Variants in ZC3H12C observed in about 807,000 individuals in gnomAD.
The protein encoded by ZC3H12C is probable ribonuclease ZC3H12C.
In ZC3H12C, 20 loss-of-function variants were observed where a neutral mutation model predicts 76.3. That is an observed-to-expected ratio of 0.26 (90% CI 0.18 to 0.38). The LOEUF is 0.38. Among genes scored for constraint, ZC3H12C ranks in the 10% least tolerant of loss-of-function variants. The pLI is 1.00. For missense variants in ZC3H12C, 874 were observed against 1,086.5 expected (o/e 0.80, Z 2.75); for synonymous variants, 352 against 399.6 (o/e 0.88, Z 1.42).
At chr11:110,093,941 C>A (rs1861064595) in intron 1 of ZC3H12C, among the ~76,000 whole-genome samples, 1 of 152,134 alleles carries the variant, frequency 6.6e-6, no homozygotes, top group African/African-American at 2.4e-5. Context: ...AACCCCAGGC[C>A]GAGCGTCACG....
rs1460027352 is a variant in ZC3H12C at position 110,169,499 on chromosome 11, T to C, written c.*3762T>C. On this transcript the variant is annotated 3_prime_UTR_variant, in exon 6 of 6. Coordinates refer to ENST00000278590, the MANE Select transcript of ZC3H12C (RefSeq NM_033390.2). ...TCCTTATTCAAGATAAAATAAGACA[T>C]ACAGTTTTCTGGCCATTCTGTTGGT... is the stretch of plus-strand genomic sequence containing the variant. 2 of 152,124 alleles carry C rather than the reference T, an allele frequency of 1.3e-5. No individual in the cohort carries two copies. The highest frequency in any genetic ancestry group is 2.9e-5 in the Non-Finnish European group (2 of 67,996). The allele number at this position is 152,124 out of a possible 1,614,324, so 9.4% of individuals were successfully genotyped here.
Position 110,165,608 on chromosome 11 carries a change from T to G in ZC3H12C, c.2523T>G (p.Ile841Met), listed in dbSNP as rs139951125. ...PPRYQDNREK[I>M]YINLCNIFPP... ...GGTATCAAGACAACCGAGAAAAGATTTATATCAATTTGTGCAACATCTTCC... is the reference window on the plus strand; with the variant it reads ...GGTATCAAGACAACCGAGAAAAGATGTATATCAATTTGTGCAACATCTTCC... Residue 841 changes from isoleucine to methionine, a missense_variant, in exon 6 of 6, where the codon ATT (isoleucine) becomes ATG (methionine). Physicochemically the swap from Ile to Met is conservative, Grantham distance 10. Coordinates refer to ENST00000278590, the MANE Select transcript of ZC3H12C (RefSeq NM_033390.2). 2 of 1,603,220 alleles carry G rather than the reference T, an allele frequency of 1.2e-6. No individual in the cohort carries two copies. The highest frequency in any genetic ancestry group is 1.7e-6 in the Non-Finnish European group (2 of 1,174,736).
rs540856751 is a variant in ZC3H12C, at chr11:110,117,652, A to T, written c.22-19011A>T. Among the ~76,000 whole-genome samples, 220 of 135,742 alleles carry T rather than the reference A, an allele frequency of 1.6e-3. 1 individual carries two copies. The highest frequency in any genetic ancestry group is 2.6e-3 in the Non-Finnish European group (167 of 65,414). 89.1% of individuals were successfully genotyped at this position (135,742 alleles called of 152,430 possible). On this transcript the variant is annotated intron_variant, in intron 1 of 5. Transcript: ENST00000278590. ...TCCCACATGAGATATATATATATAT[A>T]CACACACACACACATATATATATAT...
intron 1 of ZC3H12C, among the ~76,000 whole-genome samples, chr11:110,129,829 T>G (rs944145185): frequency 3.9e-5 from 6 of 152,098 alleles, no homozygotes; most frequent in Non-Finnish European, 8.8e-5. Context: ...GATTTTTTTT[T>G]TTGTTCATAA....
At position 110,136,949 on chromosome 11, in the gene ZC3H12C, T is replaced by G; in HGVS notation, c.308T>G (p.Leu103Trp). Residue 103 changes from leucine (L) to tryptophan (W), a missense_variant, in exon 2 of 6, where the codon TTG becomes TGG. Transcript: ENST00000278590. ...NTNSDHESEQ[L>W]GSISVEPGLI... ...AATTCTGATCATGAGTCAGAACAAT[T>G]GGGTAGCATTTCAGTAGAGCCAGGC... 6.2e-7 allele frequency: 1 copy of G among 1,613,660 alleles called. No individual in the cohort carries two copies. Among genetic ancestry groups the G allele is most frequent in the Non-Finnish European group, 8.5e-7 (1 of 1,179,792 alleles).
chr11:110,153,744 G>A (rs1014967472), intron 3 of ZC3H12C, among the ~76,000 whole-genome samples: 2 of 152,148 alleles, frequency 1.3e-5, no homozygotes, highest in Non-Finnish European at 2.9e-5. Flanking sequence ...GTGACATTAG[G>A]TGGCAGTCAG....
intron 1 of ZC3H12C, among the ~76,000 whole-genome samples, chr11:110,101,630 C>T (rs1861217598): frequency 6.6e-6 from 1 of 151,680 alleles, no homozygotes; most frequent in Non-Finnish European, 1.5e-5. Context: ...TCACTGCAAC[C>T]TCTGCCTCCC....
In ZC3H12C at chr11:110,171,541, T is replaced by G. The variant is rs1053963896; in HGVS notation, c.*5804T>G. On this transcript the variant is annotated 3_prime_UTR_variant, in exon 6 of 6. Transcript: ENST00000278590. The stretch of plus-strand genomic sequence containing the variant: ...ATCTTTACAATTCCCAAAACGGTAT[T>G]TTAGACCTACTGGAAATCTGTATCG... 1 of 152,230 alleles carries G rather than the reference T, an allele frequency of 6.6e-6. No individual in the cohort carries two copies. The highest frequency in any genetic ancestry group is 1.9e-4 in the East Asian group (1 of 5,202). The allele number at this position is 152,230 out of a possible 1,614,324, so 9.4% of individuals were successfully genotyped here. A position where few individuals can be genotyped will look rare whatever the true frequency, so the allele number is the denominator to read the frequency against.
At chr11:110,117,879 T>TATATATATTATATATATACACACACAC in intron 1 of ZC3H12C, among the ~76,000 whole-genome samples, 1 of 24,862 alleles carries the variant, frequency 4.0e-5, no homozygotes, top group African/African-American at 1.1e-4. Flanking sequence ...TACACACACA[T>TATATATATTATATATATACACACACAC]ATATATATTA....
In ZC3H12C at chr11:110,162,824, C is replaced by A. The variant is rs897837818; in HGVS notation, c.1149-449C>A. On this transcript the variant is annotated intron_variant, in intron 4 of 5. Transcript: ENST00000278590. The stretch of plus-strand genomic sequence containing the variant: ...ATGGTGTAGTGTGTAAAGTGCCTAG[C>A]ACTAACCGGTGTCTGGTAAGTTCGT... 2.6e-4 allele frequency among the ~76,000 whole-genome samples: 39 copies of A among 152,170 alleles called. 1 individual carries two copies. The highest frequency in any genetic ancestry group is 5.9e-5 in the Non-Finnish European group (4 of 68,034).
intron 5 of ZC3H12C, among the ~76,000 whole-genome samples, chr11:110,163,631 G>A (rs1862521029): frequency 6.6e-6 from 1 of 152,158 alleles, no homozygotes; most frequent in Admixed American, 6.5e-5. Flanking sequence ...AGTTAGTTTT[G>A]AAGTGAATAA....
intron 1 of ZC3H12C, among the ~76,000 whole-genome samples, chr11:110,113,234 T>A (rs1565250365): frequency 6.6e-6 from 1 of 152,106 alleles, no homozygotes; most frequent in Non-Finnish European, 1.5e-5. Flanking sequence ...TGGGAAAAAA[T>A]TTTCATCTTT....
chr11:110,096,586 C>G (rs1322577190), intron 1 of ZC3H12C, among the ~76,000 whole-genome samples: 1 of 151,986 alleles, frequency 6.6e-6, no homozygotes, highest in African/African-American at 2.4e-5. Context: ...GAGTTCAGAC[C>G]CAGGCAGTCT....
chr11:110,142,556 A>T (rs1862085778), intron 2 of ZC3H12C, among the ~76,000 whole-genome samples: 1 of 152,156 alleles, frequency 6.6e-6, no homozygotes, highest in African/African-American at 2.4e-5. Flanking sequence ...ATGGCGAAGG[A>T]AATCTTTTTT....
chr11:110,129,091 A>G (rs768758298), intron 1 of ZC3H12C, among the ~76,000 whole-genome samples: 1 of 152,136 alleles, frequency 6.6e-6, no homozygotes, highest in Admixed American at 6.6e-5. Flanking sequence ...TAATATTGCT[A>G]TAACCCTTAG....
intron 4 of ZC3H12C, among the ~76,000 whole-genome samples, chr11:110,162,837 C>T (rs1349803801): frequency 6.6e-6 from 1 of 152,196 alleles, no homozygotes; most frequent in East Asian, 1.9e-4. Context: ...TAACCGGTGT[C>T]TGGTAAGTTC....
At chr11:110,102,207 G>C (rs557163846) in intron 1 of ZC3H12C, among the ~76,000 whole-genome samples, 77 of 149,946 alleles carry the variant, frequency 5.1e-4, no homozygotes, top group Middle Eastern at 3.4e-3. Flanking sequence ...TGATTCCTCT[G>C]ATGGATCTGG....
intron 1 of ZC3H12C, among the ~76,000 whole-genome samples, chr11:110,122,390 G>A (rs897455329): frequency 6.6e-6 from 1 of 151,852 alleles, no homozygotes; most frequent in Non-Finnish European, 1.5e-5. Context: ...ATATAACCAC[G>A]AGTGTATTTT....
At chr11:110,106,592 TG>T (rs1431548192) in intron 1 of ZC3H12C, among the ~76,000 whole-genome samples, 5 of 152,344 alleles carry the variant, frequency 3.3e-5, no homozygotes, top group Admixed American at 6.5e-5. Context: ...GTCATGGTAA[TG>T]GTTGTAGAGA....
Sources: gnomAD v4.1 joint callset for allele counts (sites outside exome capture counted in the v4.1 genomes callset) on GRCh38, gnomAD v4.1.1 for gene constraint, MANE v1.5 for transcripts, NCBI Gene and HGNC (gene_info 2026-07-23, HGNC 2026-07-21) for gene names.